The following ADGRV1 variants were observed in gnomAD, a reference collection of about 807,000 sequenced individuals.
The protein encoded by ADGRV1 is adhesion G protein-coupled receptor V1, also known as G-protein coupled receptor 98.
A neutral mutation model predicts 596.2 loss-of-function variants in ADGRV1; 359 were observed. The ratio of observed to expected loss-of-function variants is 0.60; its 90% CI spans 0.55 to 0.66. ADGRV1 has a LOEUF of 0.66. Among genes scored for constraint, ADGRV1 ranks in the 30% least tolerant of loss-of-function variants. The probability of loss-of-function intolerance (pLI) is 0.00; values close to 1 mark genes in which losing one functional copy is unlikely to be tolerated. For missense variants in ADGRV1, 7,274 were observed against 7,575.6 expected (o/e 0.96, Z 1.48); for synonymous variants, 2,681 against 2,679.2 (o/e 1.00, Z -0.02).
chr5:90,726,425 C>G (rs1340810628), intron 48 of ADGRV1, among the ~76,000 whole-genome samples: 2 of 152,062 alleles, frequency 1.3e-5, no homozygotes, highest in Non-Finnish European at 2.9e-5. Flanking sequence ...ATTTCATTTC[C>G]TTTCTCCCTT....
At chr5:91,135,893 G>A (rs1170008684) in intron 87 of ADGRV1, among the ~76,000 whole-genome samples, 1 of 152,150 alleles carries the variant, frequency 6.6e-6, no homozygotes, top group Non-Finnish European at 1.5e-5. Flanking sequence ...GGCCAGAGAA[G>A]CATCTCCACA....
intron 59 of ADGRV1, among the ~76,000 whole-genome samples, chr5:90,772,495 G>A (rs952732383): frequency 6.6e-6 from 1 of 152,200 alleles, no homozygotes; most frequent in African/African-American, 2.4e-5. Context: ...AGGCTGTGAT[G>A]TACCCTAAGT....
chr5:91,057,392 A>G (rs1354509378), intron 85 of ADGRV1, among the ~76,000 whole-genome samples: 1 of 152,244 alleles, frequency 6.6e-6, no homozygotes, highest in Non-Finnish European at 1.5e-5. Flanking sequence ...ACAATTAAAA[A>G]CTTAAGAATA....
intron 84 of ADGRV1, among the ~76,000 whole-genome samples, chr5:90,968,871 A>G (rs764474230): frequency 6.6e-6 from 1 of 152,176 alleles, no homozygotes; most frequent in Non-Finnish European, 1.5e-5. Context: ...ATGATACTAC[A>G]TATGTCTGTG....
At position 90,625,357 on chromosome 5, in the gene ADGRV1, T is replaced by TAA; in HGVS notation, c.672+114_672+115insAA. 4 of 597,756 alleles carry TAA rather than the reference T, an allele frequency of 6.7e-6. No homozygotes were observed. The South Asian group carries it at 9.8e-5, about 15-fold the overall frequency. The allele number at this position is 597,756 out of a possible 1,614,324, so 37.0% of individuals were successfully genotyped here. A position where few individuals can be genotyped will look rare whatever the true frequency, so the allele number is the denominator to read the frequency against. On this transcript the variant is annotated intron_variant, in intron 6 of 89. Coordinates refer to ENST00000405460, the MANE Select transcript of ADGRV1 (RefSeq NM_032119.4). ...CACCTCAGCTATAAATAGCTGACTGTTCTGGAATACATCTTATTACTATTT... is the reference window on the plus strand; with the variant it reads ...CACCTCAGCTATAAATAGCTGACTGTAATCTGGAATACATCTTATTACTATTT...
intron 89 of ADGRV1, among the ~76,000 whole-genome samples, chr5:91,154,980 G>A (rs935013899): frequency 6.6e-6 from 1 of 152,216 alleles, no homozygotes; most frequent in African/African-American, 2.4e-5. Flanking sequence ...TACAATTCAA[G>A]ATGAGATTTT....
chr5:91,050,951 G>A (rs575067740), intron 85 of ADGRV1, among the ~76,000 whole-genome samples: 16 of 152,296 alleles, frequency 1.1e-4, no homozygotes, highest in Admixed American at 4.6e-4. Context: ...TTGCAGCTGC[G>A]GTTGTTCACT....
intron 83 of ADGRV1, among the ~76,000 whole-genome samples, chr5:90,875,381 C>T (rs1331820628): frequency 6.6e-6 from 1 of 152,190 alleles, no homozygotes; most frequent in Non-Finnish European, 1.5e-5. Context: ...GCCACCAAAG[C>T]TTATTTGACT....
intron 82 of ADGRV1, among the ~76,000 whole-genome samples, chr5:90,859,524 C>G (rs1000138479): frequency 4.6e-5 from 7 of 151,512 alleles, no homozygotes; most frequent in Admixed American, 2.6e-4. Context: ...CTTCCGCCTT[C>G]TGGGCTCAAG....
At chr5:90,983,396 G>A (rs1306355174) in intron 84 of ADGRV1, among the ~76,000 whole-genome samples, 1 of 152,040 alleles carries the variant, frequency 6.6e-6, no homozygotes, top group Non-Finnish European at 1.5e-5. Context: ...CTTTATCATG[G>A]TGAATCAGCT....
Position 90,615,081 on chromosome 5 carries a change from G to A in ADGRV1, c.207+62G>A. On this transcript the variant is annotated intron_variant, in intron 2 of 89. Coordinates refer to ENST00000405460, the MANE Select transcript of ADGRV1 (RefSeq NM_032119.4). ...GATATGACGTTTCTTAGTTTTAATG[G>A]CAAGGATTTTTTTTTTCTGTTTGAG... The A allele has an allele frequency of 5.5e-6, 6 of 1,091,314 alleles. No individual in the cohort carries two copies. In the South Asian group the frequency reaches 1.1e-4, roughly 20 times the overall value. The allele number at this position is 1,091,314 out of a possible 1,614,324, so 67.6% of individuals were successfully genotyped here.
chr5:90,598,516 G>T (rs1425868502), intron 1 of ADGRV1, among the ~76,000 whole-genome samples: 2 of 152,182 alleles, frequency 1.3e-5, no homozygotes, highest in African/African-American at 4.8e-5. Flanking sequence ...GTGCTGACCC[G>T]TGCCAGGAGT....
intron 28 of ADGRV1, among the ~76,000 whole-genome samples, chr5:90,684,970 A>T (rs36045161): frequency 0.062 from 9,400 of 152,268 alleles, 409 homozygotes; most frequent in Non-Finnish European, 0.088. Flanking sequence ...TTAGTTTCCT[A>T]CTCAATCTTG....
intron 21 of ADGRV1, among the ~76,000 whole-genome samples, chr5:90,670,470 CAA>C (rs1772294809): frequency 6.6e-6 from 1 of 152,158 alleles, no homozygotes; most frequent in Non-Finnish European, 1.5e-5. Flanking sequence ...AGACTAGAGA[CAA>C]AGATGTTTGG....
At position 90,985,436 on chromosome 5, in the gene ADGRV1, T is replaced by G. The variant is rs774976806; in HGVS notation, c.18066T>G (p.Ala6022=). Residue 6022 remains alanine (A), a synonymous_variant, in exon 85 of 90, where the codon GCT becomes GCG. Coordinates refer to ENST00000405460, the MANE Select transcript of ADGRV1 (RefSeq NM_032119.4). ...LFFLLSWGLP[A]FVVILLIVIL... ...TCCTTCTGAGTTGGGGACTACCAGC[T>G]TTTGTGGTGATTCTCCTCATAGTTA... 2 of 1,613,730 alleles carry G rather than the reference T, an allele frequency of 1.2e-6. No individual in the cohort carries two copies. Among genetic ancestry groups the G allele is most frequent in the Admixed American group, 3.3e-5 (2 of 60,014 alleles).
At chr5:90,863,484 C>T (rs1333748321) in intron 82 of ADGRV1, among the ~76,000 whole-genome samples, 1 of 152,120 alleles carries the variant, frequency 6.6e-6, no homozygotes, top group Non-Finnish European at 1.5e-5. Context: ...GGGGTAATTA[C>T]CAAACCTGAG....
intron 77 of ADGRV1, among the ~76,000 whole-genome samples, chr5:90,837,324 C>T (rs573832036): frequency 2.0e-5 from 3 of 151,698 alleles, no homozygotes; most frequent in South Asian, 4.2e-4. Flanking sequence ...CTTATTTTCA[C>T]GTTGCCTATT....
chr5:90,756,548 G>T lies in ADGRV1; in HGVS notation c.11675G>T (p.Arg3892Leu). Reference sequence around the variant, plus strand: ...TTCTCTACAGGACAGCCAAGTGTGCGGAGGCCCGGAATGGAAATAGCTGAG... The same window carrying T: ...TTCTCTACAGGACAGCCAAGTGTGCTGAGGCCCGGAATGGAAATAGCTGAG... ...SDFSTGQPSVRRPGMEIAEIM... is the reference protein window; with the variant it reads ...SDFSTGQPSVLRPGMEIAEIM... The change falls in exon 56 of 90, where the codon CGG (arginine) becomes CTG (leucine). Residue 3892 changes from arginine to leucine, a missense_variant. Arg to Leu is a moderately radical substitution (Grantham distance 102). Coordinates refer to ENST00000405460, the MANE Select transcript of ADGRV1 (RefSeq NM_032119.4). 1 of 1,613,426 alleles carries T rather than the reference G, an allele frequency of 6.2e-7. No homozygotes were observed. The highest frequency in any genetic ancestry group is 8.5e-7 in the Non-Finnish European group (1 of 1,179,470).
At chr5:90,568,673 T>C (rs1419026681) in intron 1 of ADGRV1, among the ~76,000 whole-genome samples, 1 of 152,208 alleles carries the variant, frequency 6.6e-6, no homozygotes, top group African/African-American at 2.4e-5. Flanking sequence ...TGTTAATCTT[T>C]TATTTAGTCG....
Sources: gnomAD v4.1 joint callset for allele counts (sites outside exome capture counted in the v4.1 genomes callset) on GRCh38, gnomAD v4.1.1 for gene constraint, MANE v1.5 for transcripts, NCBI Gene and HGNC (gene_info 2026-07-23, HGNC 2026-07-21) for gene names.